The following CHRM3 variants were observed in gnomAD, a reference collection of about 807,000 sequenced individuals.
The protein encoded by CHRM3 is muscarinic acetylcholine receptor M3.
CHRM3 carries 11 observed loss-of-function variants against 41.8 expected under a neutral mutation model. That is an observed-to-expected ratio of 0.26 (90% CI 0.17 to 0.44). CHRM3 has a LOEUF of 0.44. Ranked by LOEUF, CHRM3 falls within the 20% of genes least tolerant of loss-of-function variation. The probability of loss-of-function intolerance (pLI) is 1.00; values close to 1 mark genes in which losing one functional copy is unlikely to be tolerated. For missense variants in CHRM3, 571 were observed against 745.4 expected, an observed-to-expected ratio of 0.77 and a Z score of 2.72; for synonymous variants, 297 against 301.4, an observed-to-expected ratio of 0.99 and a Z score of 0.15.
intron 6 of CHRM3, among the ~76,000 whole-genome samples, chr1:239,905,247 G>A (rs949794517): frequency 6.6e-6 from 1 of 152,186 alleles, no homozygotes; most frequent in African/African-American, 2.4e-5. Context: ...GAAGGAGCTG[G>A]TGGAGAGGCA....
Position 239,548,526 on chromosome 1 carries a change from C to T in CHRM3, c.-313+2777C>T, listed in dbSNP as rs534448386. On this transcript the variant is annotated intron_variant, in intron 3 of 6. Coordinates refer to ENST00000676153, the MANE Select transcript of CHRM3 (RefSeq NM_001375978.1). ...GCTTTGCACACACCCATTTATTCTTCTTCTTGTTTATTTTTGCAATAGCTT... is the reference window on the plus strand; with the variant it reads ...GCTTTGCACACACCCATTTATTCTTTTTCTTGTTTATTTTTGCAATAGCTT... Among the ~76,000 whole-genome samples, 4 of 152,316 alleles carry T rather than the reference C, an allele frequency of 2.6e-5. No homozygotes were observed. In the South Asian group the frequency reaches 8.3e-4, roughly 32 times the overall value.
chr1:239,537,603 A>G (rs968157259), intron 2 of CHRM3, among the ~76,000 whole-genome samples: 1 of 152,072 alleles, frequency 6.6e-6, no homozygotes, highest in Admixed American at 6.6e-5. Flanking sequence ...TCCTACCAGT[A>G]AGGTTCAGAA....
intron 1 of CHRM3, among the ~76,000 whole-genome samples, chr1:239,440,927 G>A (rs552746665): frequency 3.3e-5 from 5 of 151,928 alleles, no homozygotes; most frequent in African/African-American, 1.2e-4. Context: ...TGACTGAATT[G>A]ACATTTACAC....
At chr1:239,559,657 C>A (rs1660683184) in intron 3 of CHRM3, among the ~76,000 whole-genome samples, 2 of 152,076 alleles carry the variant, frequency 1.3e-5, no homozygotes, top group South Asian at 4.1e-4. Context: ...AGAAGCTGGC[C>A]AATATTTCTT....
chr1:239,810,033 A>G (rs2148975169), intron 5 of CHRM3, among the ~76,000 whole-genome samples: 1 of 152,254 alleles, frequency 6.6e-6, no homozygotes, highest in South Asian at 2.1e-4. Context: ...CTTAAGATTC[A>G]TTGCACTCAA....
rs1227678861 is a variant in CHRM3, at chr1:239,910,455, A to G, written c.*1231A>G. ...GCACCTTTGTTAATCAGCTGTGGCC[A>G]GTGCTTTCTGGTGTTCATTGTGTAA... On this transcript the variant is annotated 3_prime_UTR_variant, in exon 7 of 7. Transcript: ENST00000676153. The G allele has an allele frequency of 6.0e-6, 1 of 166,752 alleles. No individual in the cohort carries two copies. The highest frequency in any genetic ancestry group is 2.4e-5 in the African/African-American group (1 of 41,372). 10.3% of individuals were successfully genotyped at this position (166,752 alleles called of 1,614,324 possible). A position where few individuals can be genotyped will look rare whatever the true frequency, so the allele number is the denominator to read the frequency against.
In CHRM3 at chr1:239,492,023, C is replaced by T. The variant is rs114627400; in HGVS notation, c.-520-686C>T. On this transcript the variant is annotated intron_variant, in intron 1 of 6. Coordinates refer to ENST00000676153, the MANE Select transcript of CHRM3 (RefSeq NM_001375978.1). ...TTTAATTCACAAGTTGGCTGTATGA[C>T]GTAAAATGTGTAATGATCCATTTTG... Among the ~76,000 whole-genome samples the T allele has an allele frequency of 2.4e-3, 372 of 152,208 alleles. 1 individual carries two copies. Among genetic ancestry groups the T allele is most frequent in the Non-Finnish European group, 3.7e-3 (254 of 68,010 alleles).
chr1:239,534,349 G>C (rs544885105), intron 2 of CHRM3, among the ~76,000 whole-genome samples: 1 of 152,126 alleles, frequency 6.6e-6, no homozygotes, highest in Non-Finnish European at 1.5e-5. Flanking sequence ...TTAGGAGAAC[G>C]TGCATACTGA....
chr1:239,411,830 G>T (rs1281393345), intron 1 of CHRM3, among the ~76,000 whole-genome samples: 1 of 150,348 alleles, frequency 6.7e-6, no homozygotes, highest in African/African-American at 2.4e-5. Context: ...AATTCTCAAG[G>T]CTTGTGATAA....
intron 3 of CHRM3, among the ~76,000 whole-genome samples, chr1:239,612,248 A>G (rs1667157631): frequency 6.6e-6 from 1 of 152,158 alleles, no homozygotes; most frequent in South Asian, 2.1e-4. Context: ...TTTAATTTTT[A>G]TTTTAATTAA....
At chr1:239,821,917 GT>G (rs1672084328) in intron 5 of CHRM3, among the ~76,000 whole-genome samples, 1 of 152,118 alleles carries the variant, frequency 6.6e-6, no homozygotes, top group Non-Finnish European at 1.5e-5. Context: ...AGATCTGATG[GT>G]TTAATAACTG....
chr1:239,642,845 T>A (rs1671334186), intron 4 of CHRM3, among the ~76,000 whole-genome samples: 1 of 152,152 alleles, frequency 6.6e-6, no homozygotes, highest in South Asian at 2.1e-4. Context: ...AGGCGCTCTG[T>A]TTTTAGAGTT....
intron 5 of CHRM3, among the ~76,000 whole-genome samples, chr1:239,712,836 A>G (rs866812269): frequency 2.6e-5 from 4 of 152,060 alleles, no homozygotes; most frequent in Middle Eastern, 3.4e-3. Flanking sequence ...TCCCCTGACC[A>G]TATCTGGACT....
At chr1:239,666,571 T>C (rs574568339) in intron 4 of CHRM3, among the ~76,000 whole-genome samples, 25 of 152,274 alleles carry the variant, frequency 1.6e-4, no homozygotes, top group Middle Eastern at 3.4e-3. Flanking sequence ...ATTTCCTGGG[T>C]TTGTGGCTGG....
At chr1:239,667,525 G>A (rs1208898757) in intron 4 of CHRM3, among the ~76,000 whole-genome samples, 1 of 152,120 alleles carries the variant, frequency 6.6e-6, no homozygotes, top group Non-Finnish European at 1.5e-5. Flanking sequence ...TGTGGACTGA[G>A]GGTCACCACT....
chr1:239,461,581 C>T (rs1394022351), intron 1 of CHRM3, among the ~76,000 whole-genome samples: 1 of 151,896 alleles, frequency 6.6e-6, no homozygotes, highest in Non-Finnish European at 1.5e-5. Flanking sequence ...TCTTAATGTG[C>T]TTATGTGCGT....
At chr1:239,644,573 G>A (rs1671568575) in intron 4 of CHRM3, among the ~76,000 whole-genome samples, 1 of 152,170 alleles carries the variant, frequency 6.6e-6, no homozygotes, top group Non-Finnish European at 1.5e-5. Flanking sequence ...GAATTCCAGG[G>A]ACTTGGTTAT....
intron 3 of CHRM3, among the ~76,000 whole-genome samples, chr1:239,563,676 T>C (rs540735866): frequency 3.9e-5 from 6 of 152,268 alleles, no homozygotes; most frequent in Non-Finnish European, 7.4e-5. Flanking sequence ...GTTAAAGAGA[T>C]GTGGATGTAA....
rs1280165427 is a variant in CHRM3, at chr1:239,909,298, C to T, written c.*74C>T. On this transcript the variant is annotated 3_prime_UTR_variant, in exon 7 of 7. Coordinates refer to ENST00000676153, the MANE Select transcript of CHRM3 (RefSeq NM_001375978.1). ...GACCTTAGGAGGAGGAAGGCGAGGG[C>T]GGGGTGACTTCTGGTGATGATAAAA... The T allele has an allele frequency of 1.0e-5, 15 of 1,449,966 alleles. No individual in the cohort carries two copies. The highest frequency in any genetic ancestry group is 1.4e-5 in the South Asian group (1 of 73,354). The allele number at this position is 1,449,966 out of a possible 1,614,324, so 89.8% of individuals were successfully genotyped here. A position where few individuals can be genotyped will look rare whatever the true frequency, so the allele number is the denominator to read the frequency against.
Sources: allele counts gnomAD v4.1 joint callset (sites outside exome capture counted in the v4.1 genomes callset), GRCh38; gene constraint gnomAD v4.1.1; transcripts MANE v1.5; gene names NCBI Gene and HGNC (gene_info 2026-07-23, HGNC 2026-07-21).